Variants in PRKDC observed in about 807,000 individuals in gnomAD.
PRKDC encodes DNA-dependent protein kinase catalytic subunit.
In PRKDC, 82 loss-of-function variants were observed where a neutral mutation model predicts 486.9. The observed-to-expected ratio is 0.17, with a 90% CI of 0.14 to 0.20. PRKDC has a LOEUF of 0.20. Among genes scored for constraint, PRKDC ranks in the 10% least tolerant of loss-of-function variants. PRKDC has a pLI of 1.00. For missense variants in PRKDC, 4,504 were observed against 5,038.2 expected, an observed-to-expected ratio of 0.89 and a Z score of 3.21; for synonymous variants, 1,895 against 1,837.0, an observed-to-expected ratio of 1.03 and a Z score of -0.81.
intron 30 of PRKDC, 100 bp downstream of exon 30, chr8:47,897,061 G>GT: frequency 7.9e-7 from 1 of 1,268,344 alleles, no homozygotes; most frequent in Non-Finnish European, 1.1e-6. Flanking sequence ...TGAATACCAT[G>GT]TTAACTGCAA....
chr8:47,951,719 A>G (rs984923341), intron 7 of PRKDC, among the ~76,000 whole-genome samples: 1 of 83,136 alleles, frequency 1.2e-5, no homozygotes, highest in Admixed American at 1.2e-4. Context: ...GTCTCCAAAA[A>G]AAAAGGAAAG....
At chr8:47,821,030 A>T (rs1358714055) in intron 65 of PRKDC, 87 bp from the exon 66 acceptor site, 1 of 820,744 alleles carries the variant, frequency 1.2e-6, no homozygotes, top group East Asian at 2.9e-5. Context: ...TCTTTGCTAT[A>T]CTTTCACAGG....
rs149414303 is a variant in PRKDC at position 47,855,984 on chromosome 8, T to C, written c.6610-611A>G. 4.0e-3 allele frequency among the ~76,000 whole-genome samples: 605 copies of C among 152,310 alleles called. 4 individuals carry two copies. Among genetic ancestry groups the C allele is most frequent in the South Asian group, 0.025 (119 of 4,822 alleles). On this transcript the variant is annotated intron_variant, in intron 49 of 85. Transcript: ENST00000314191. ...CTTGCTGTTGCTTTATTCAGCTACC[T>C]CGAGCCCGGCAGTTCCACTCTCTTG...
At chr8:47,950,263 ACT>A (rs1383568382) in intron 7 of PRKDC, among the ~76,000 whole-genome samples, 2 of 143,620 alleles carry the variant, frequency 1.4e-5, no homozygotes, top group African/African-American at 2.6e-5. Flanking sequence ...CAAGAGTGAA[ACT>A]CTGTCTCAAA....
rs1486720736 is a variant in PRKDC at position 47,897,171 on chromosome 8, A to G, written c.3588T>C (p.Pro1196=). The G allele has an allele frequency of 1.3e-6, 2 of 1,597,554 alleles. No homozygotes were observed. ...KSIELFYKFV[P]LLPGNRSPNL... The stretch of plus-strand genomic sequence containing the variant: ...TACAGATTACCATACCTGGCAATAA[A>G]GGAACGAATTTATAAAAGAGTTCAA... The change falls in exon 30 of 86, where the codon CCT becomes CCC. Residue 1196 remains proline (P), a synonymous_variant. Coordinates refer to ENST00000314191, the MANE Select transcript of PRKDC (RefSeq NM_006904.7).
chr8:47,823,933 T>A lies in PRKDC; in HGVS notation c.8847A>T (p.Thr2949=). ...ATAATGCACTCTGAGTGATTTGCTT[T>A]GTTCCTATCTCACTGGTAAAAATCC... ...LRGIFTSEIG[T]KQITQSALLA... is the part of the protein sequence containing the mutation. The change falls in exon 64 of 86, where the codon ACA becomes ACT. Residue 2949 remains threonine (T), a synonymous_variant. Transcript: ENST00000314191. 1 of 1,613,878 alleles carries A rather than the reference T, an allele frequency of 6.2e-7. No homozygotes were observed. Among genetic ancestry groups the A allele is most frequent in the Non-Finnish European group, 8.5e-7 (1 of 1,179,802 alleles).
At chr8:47,851,464 C>T (rs192350540) in intron 52 of PRKDC, among the ~76,000 whole-genome samples, 1 of 152,150 alleles carries the variant, frequency 6.6e-6, no homozygotes, top group Non-Finnish European at 1.5e-5. Flanking sequence ...TATTTTAAAT[C>T]CAAACAAATC....
chr8:47,891,702 G>A (rs1307180795), intron 31 of PRKDC, among the ~76,000 whole-genome samples: 2 of 151,670 alleles, frequency 1.3e-5, no homozygotes, highest in Non-Finnish European at 2.9e-5. Context: ...CCTGGGCGAC[G>A]GAGACTCCAT....
At chr8:47,909,270 T>A (rs551592758) in intron 25 of PRKDC, among the ~76,000 whole-genome samples, 1 of 152,206 alleles carries the variant, frequency 6.6e-6, no homozygotes, top group Non-Finnish European at 1.5e-5. Context: ...CATTTATCAG[T>A]TCCCAAAATT....
At chr8:47,919,377 T>C (rs560007495) in intron 21 of PRKDC, among the ~76,000 whole-genome samples, 179 of 152,388 alleles carry the variant, frequency 1.2e-3, no homozygotes, top group African/African-American at 4.2e-3. Context: ...ACTCAGGTTA[T>C]GGGAACCAGT....
At chr8:47,836,567 T>G (rs1414618860) in intron 57 of PRKDC, 40 bp from the exon 58 acceptor site, 1 of 1,498,794 alleles carries the variant, frequency 6.7e-7, no homozygotes, top group Non-Finnish European at 9.1e-7. Flanking sequence ...AAGTTTCAAA[T>G]GAAATAATGC....
At chr8:47,809,102 G>C (rs1240908852) in intron 68 of PRKDC, among the ~76,000 whole-genome samples, 5 of 147,846 alleles carry the variant, frequency 3.4e-5, no homozygotes, top group African/African-American at 1.0e-4. Flanking sequence ...GGGGAGGGGA[G>C]TGCAGGGGAG....
rs1349462195 is a variant in PRKDC, at chr8:47,773,328, G to A, written c.*845C>T. 3.6e-5 allele frequency: 8 copies of A among 224,618 alleles called. No individual in the cohort carries two copies. In the East Asian group the frequency reaches 5.2e-4, roughly 15 times the overall value. 13.9% of individuals were successfully genotyped at this position (224,618 alleles called of 1,614,324 possible). On this transcript the variant is annotated 3_prime_UTR_variant, in exon 86 of 86. Transcript: ENST00000314191. ...TAATTTCATCTTGTTGTGCTAGAAT[G>A]CATGCTTTTTTTCCTCCAAATGAGG...
chr8:47,830,169 A>G lies in PRKDC; in HGVS notation c.8397+436T>C, dbSNP rs183401212. 2.9e-3 allele frequency among the ~76,000 whole-genome samples: 444 copies of G among 152,328 alleles called. 3 individuals carry two copies. Among genetic ancestry groups the G allele is most frequent in the African/African-American group, 0.01 (434 of 41,574 alleles). On this transcript the variant is annotated intron_variant, in intron 61 of 85. Transcript: ENST00000314191. ...TCGCCCATAATTATACCATAAAGAG[A>G]TAAGTCACTGGCATGTGTCTTTTAC... is the stretch of plus-strand genomic sequence containing the variant.
rs1317837886 is a variant in PRKDC at position 47,828,199 on chromosome 8, G to T, written c.8546C>A (p.Ser2849Tyr). 6 of 1,613,822 alleles carry T rather than the reference G, an allele frequency of 3.7e-6. No individual in the cohort carries two copies. In the African/African-American group the frequency reaches 8.0e-5, roughly 22 times the overall value. ...DFNRFLNTTF[S>Y]FFPPFVSCIQ... Reference sequence around the variant, plus strand: ...ACAAGAGACAAAGGGTGGAAAGAAAGAGAAGGTGGTATTAAGAAAACGATT... The same window carrying T: ...ACAAGAGACAAAGGGTGGAAAGAAATAGAAGGTGGTATTAAGAAAACGATT... Residue 2849 changes from serine (S) to tyrosine (Y), a missense_variant, in exon 62 of 86, where the codon TCT (serine) becomes TAT (tyrosine). Physicochemically the swap from Ser to Tyr is moderately radical, Grantham distance 144. Transcript: ENST00000314191.
rs1589798224 is a variant in PRKDC at position 47,927,867 on chromosome 8, G to A, written c.2163C>T (p.Tyr721=). ...AACAAGAGGCCAAAAGTTCATCTTT[G>A]TACTGCTTCATTTTAACTGCCACCT... is the stretch of plus-strand genomic sequence containing the variant. ...GKEVAVKMKQ[Y]KDELLASCLT... Residue 721 remains tyrosine, a synonymous_variant, in exon 20 of 86, where the codon TAC becomes TAT. Transcript: ENST00000314191. 2 of 1,586,768 alleles carry A rather than the reference G, an allele frequency of 1.3e-6. No homozygotes were observed. The highest frequency in any genetic ancestry group is 1.7e-6 in the Non-Finnish European group (2 of 1,167,906).
Position 47,800,977 on chromosome 8 carries a change from T to C in PRKDC, c.9932A>G (p.Asn3311Ser), listed in dbSNP as rs2087095377. 1 of 1,613,784 alleles carries C rather than the reference T, an allele frequency of 6.2e-7. No individual in the cohort carries two copies. Among genetic ancestry groups the C allele is most frequent in the South Asian group, 1.1e-5 (1 of 91,004 alleles). ...ATTTTTGCTTAAGTAGCTTGACACGTTGTTCTCATCTGTTGGATTAAAAAA... is the reference window on the plus strand; with the variant it reads ...ATTTTTGCTTAAGTAGCTTGACACGCTGTTCTCATCTGTTGGATTAAAAAA... Reference protein sequence around the residue: ...LKTVSLLDENNVSSYLSKNIL... With the variant: ...LKTVSLLDENSVSSYLSKNIL... Residue 3311 changes from asparagine (N) to serine (S), a missense_variant, in exon 71 of 86, where the codon AAC (asparagine) becomes AGC (serine). Asn to Ser is a conservative substitution (Grantham distance 46). Coordinates refer to ENST00000314191, the MANE Select transcript of PRKDC (RefSeq NM_006904.7).
At chr8:47,824,136 A>T (rs774262616) in intron 63 of PRKDC, 140 bp from the exon 64 acceptor site, 7 of 964,034 alleles carry the variant, frequency 7.3e-6, no homozygotes, top group Non-Finnish European at 9.7e-6. Context: ...TTTTGCTAAA[A>T]ATATAAAATT....
At chr8:47,845,048 CTACTTAAAA>C (rs983289741) in intron 54 of PRKDC, among the ~76,000 whole-genome samples, 22 of 152,190 alleles carry the variant, frequency 1.4e-4, no homozygotes, top group Non-Finnish European at 2.9e-4. Flanking sequence ...AACCCTGTCT[CTACTTAAAA>C]TACAAAAAAA....
Sources: allele counts gnomAD v4.1 joint callset (sites outside exome capture counted in the v4.1 genomes callset), GRCh38; gene constraint gnomAD v4.1.1; transcripts MANE v1.5; gene names NCBI Gene and HGNC (gene_info 2026-07-23, HGNC 2026-07-21).